RIMKLB: variants seen among roughly 807,000 people sequenced by gnomAD.
RIMKLB encodes the protein ribosomal modification protein rimK like family member B, also known as beta-citrylglutamate synthase B.
A neutral mutation model predicts 32.0 loss-of-function variants in RIMKLB; 7 were observed. The observed-to-expected ratio is 0.22, with a 90% confidence interval of 0.12 to 0.41. The LOEUF (loss-of-function observed/expected upper bound fraction) is 0.41, where lower values mean the gene tolerates loss of function less well. Among genes scored for constraint, RIMKLB ranks in the 10% least tolerant of loss-of-function variants. The probability of loss-of-function intolerance (pLI) is 1.00; values close to 1 mark genes in which losing one functional copy is unlikely to be tolerated. For missense variants in RIMKLB, 289 were observed against 498.7 expected (o/e 0.58, Z 4.00); for synonymous variants, 172 against 185.1 (o/e 0.93, Z 0.57).
At chr12:8,677,143 A>G (rs1401505583), upstream of RIMKLB, among the ~76,000 whole-genome samples, 2 of 152,150 alleles carry the variant, frequency 1.3e-5, no homozygotes, top group Non-Finnish European at 2.9e-5. Context: ...GTTTTCCACC[A>G]CCTGTAGTAC....
Position 8,775,603 on chromosome 12 carries a change from A to T in RIMKLB, c.*1819A>T, listed in dbSNP as rs1290555569. Reference sequence around the variant, plus strand: ...AGAGACTTCGAGGCAATAATAAAAGATCAGTATTAACCAGCTATAACAGAG... The same window carrying T: ...AGAGACTTCGAGGCAATAATAAAAGTTCAGTATTAACCAGCTATAACAGAG... On this transcript the variant is annotated 3_prime_UTR_variant, in exon 6 of 6. Coordinates refer to ENST00000535829, the MANE Select transcript of RIMKLB (RefSeq NM_001297776.2). 9.1e-6 allele frequency: 9 copies of T among 985,628 alleles called. No individual in the cohort carries two copies. The highest frequency in any genetic ancestry group is 1.7e-5 in the African/African-American group (1 of 57,236). The allele number at this position is 985,628 out of a possible 1,614,324, so 61.1% of individuals were successfully genotyped here.
intron 5 of RIMKLB, among the ~76,000 whole-genome samples, chr12:8,764,890 C>T (rs1949829428): frequency 6.6e-6 from 1 of 151,282 alleles, no homozygotes. Context: ...CCTTTCTGTT[C>T]CAGAGCCTCC....
intron 4 of RIMKLB, among the ~76,000 whole-genome samples, chr12:8,752,510 C>T (rs1227245372): frequency 6.6e-6 from 1 of 152,116 alleles, no homozygotes; most frequent in African/African-American, 2.4e-5. Flanking sequence ...CGAGATCACA[C>T]CACTGCACTC....
Position 8,754,094 on chromosome 12 carries a change from G to C in RIMKLB, c.697+1G>C. The C allele has an allele frequency of 6.2e-7, 1 of 1,605,496 alleles. No homozygotes were observed. The highest frequency in any genetic ancestry group is 8.5e-7 in the Non-Finnish European group (1 of 1,172,192). ...AGAATGCAAAGCAACTGCTCATTAGGTAAAAATAATGCAATTATCTTTCTA... is the reference window on the plus strand; with the variant it reads ...AGAATGCAAAGCAACTGCTCATTAGCTAAAAATAATGCAATTATCTTTCTA... On this transcript the variant is annotated splice_donor_variant, in intron 5 of 5. Transcript: ENST00000535829. LOFTEE classifies it high-confidence loss of function.
chr12:8,685,575 T>A (rs1186621330), intron 1 of RIMKLB, among the ~76,000 whole-genome samples: 1 of 152,230 alleles, frequency 6.6e-6, no homozygotes, highest in Non-Finnish European at 1.5e-5. Flanking sequence ...TGCTAATATT[T>A]TGAGGATTTT....
chr12:8,770,406 G>C (rs1950312842), intron 5 of RIMKLB, among the ~76,000 whole-genome samples: 1 of 152,074 alleles, frequency 6.6e-6, no homozygotes, highest in African/African-American at 2.4e-5. Flanking sequence ...TGTCTCTTCT[G>C]TTTCATGAAC....
At chr12:8,746,204 C>T (rs1284752641) in intron 2 of RIMKLB, among the ~76,000 whole-genome samples, 1 of 151,748 alleles carries the variant, frequency 6.6e-6, no homozygotes, top group Non-Finnish European at 1.5e-5. Context: ...TTCTCTATAT[C>T]CTTATCTCAA....
chr12:8,707,454 G>C (rs770313317), intron 1 of RIMKLB, among the ~76,000 whole-genome samples: 1 of 152,292 alleles, frequency 6.6e-6, no homozygotes, highest in African/African-American at 2.4e-5. Context: ...CCCTTCCTGG[G>C]TGCGTCACCC....
intron 1 of RIMKLB, among the ~76,000 whole-genome samples, chr12:8,708,312 G>T (rs1315186286): frequency 1.3e-5 from 2 of 151,934 alleles, no homozygotes; most frequent in Non-Finnish European, 2.9e-5. Flanking sequence ...TGCTTTTTCT[G>T]TACTAGAATA....
chr12:8,678,264 C>T (rs1185506869), upstream of RIMKLB, among the ~76,000 whole-genome samples: 1 of 151,582 alleles, frequency 6.6e-6, no homozygotes, highest in Non-Finnish European at 1.5e-5. Context: ...GATCCTCGCA[C>T]GTTGGCCTCC....
rs778576626 is a variant in RIMKLB, at chr12:8,750,006, A to G, written c.320A>G (p.Gln107Arg). Residue 107 changes from glutamine (Q) to arginine (R), a missense_variant, in exon 3 of 6, where the codon CAA becomes CGA. Gln to Arg is a conservative substitution (Grantham distance 43, BLOSUM62 1). Around this residue, in one of 3 missense-constraint regions of RIMKLB, gnomAD observed 156 missense variants for 329.5 expected, o/e 0.47. Coordinates refer to ENST00000535829, the MANE Select transcript of RIMKLB (RefSeq NM_001297776.2). ...GGATGTCGGTTAATGAACCGACCTCAAGCCATCCTGAACTGCGTTAATAAG... is the reference window on the plus strand; with the variant it reads ...GGATGTCGGTTAATGAACCGACCTCGAGCCATCCTGAACTGCGTTAATAAG... ...KMGCRLMNRP[Q>R]AILNCVNKFW... 1.2e-6 allele frequency: 2 copies of G among 1,614,140 alleles called. No individual in the cohort carries two copies. Among genetic ancestry groups the G allele is most frequent in the Non-Finnish European group, 1.7e-6 (2 of 1,179,988 alleles).
upstream of RIMKLB, chr12:8,697,647 G>A (rs867883657): frequency 7.9e-6 from 2 of 252,438 alleles, no homozygotes; most frequent in Non-Finnish European, 8.6e-6. Context: ...GGGGGCGGGT[G>A]GGGAGGCGCG....
At chr12:8,709,899 C>A (rs778326200) in intron 1 of RIMKLB, among the ~76,000 whole-genome samples, 1 of 151,536 alleles carries the variant, frequency 6.6e-6, no homozygotes, top group Admixed American at 6.5e-5. Context: ...CAGTTTCAGG[C>A]ATCCACTGGG....
intron 2 of RIMKLB, among the ~76,000 whole-genome samples, chr12:8,731,658 T>C (rs1207580261): frequency 1.3e-5 from 2 of 152,214 alleles, no homozygotes; most frequent in East Asian, 3.9e-4. Flanking sequence ...GAGAGTCAGT[T>C]ACTTTGTACT....
chr12:8,696,175 CCT>C (rs750050345), upstream of RIMKLB, among the ~76,000 whole-genome samples: 15 of 151,874 alleles, frequency 9.9e-5, no homozygotes, highest in Admixed American at 2.0e-4. Context: ...CATTTTTTTC[CCT>C]GTGTCAATTT....
rs775849283 is a variant in RIMKLB at position 8,732,756 on chromosome 12, T to TACACACACACACACACAC, written c.176-17097_176-17080dup. On this transcript the variant is annotated intron_variant, in intron 2 of 5. Coordinates refer to ENST00000535829, the MANE Select transcript of RIMKLB (RefSeq NM_001297776.2). Reference sequence around the variant, plus strand: ...CATGCAACAGAAAATTATATATATATACACACACACACACACACACACACA... The same window carrying TACACACACACACACACAC: ...CATGCAACAGAAAATTATATATATATACACACACACACACACACACACACACACACACACACACACACA... Among the ~76,000 whole-genome samples the TACACACACACACACACAC allele has an allele frequency of 6.2e-3, 929 of 149,984 alleles. 5 individuals carry two copies. The highest frequency in any genetic ancestry group is 0.022 in the African/African-American group (888 of 40,164).
At chr12:8,674,352 G>C in the RIMKLB span, among the ~76,000 whole-genome samples, 2 of 147,972 alleles carry the variant, frequency 1.4e-5, no homozygotes, top group Non-Finnish European at 3.0e-5. Flanking sequence ...CATTCTCCTG[G>C]CTCAGCCTCC....
the RIMKLB span, among the ~76,000 whole-genome samples, chr12:8,674,997 G>A: frequency 2.0e-5 from 3 of 150,912 alleles, no homozygotes; most frequent in Middle Eastern, 3.2e-3. Context: ...CCGAGTAGCC[G>A]GGATTACAGG....
rs1357507790 is a variant in RIMKLB, at chr12:8,774,636, A to C, written c.*852A>C. ...CCTGCTCTATGCCTGCATCTTTAACAATGGCCAAAGTGAAGAAAATGCTAC... is the reference window on the plus strand; with the variant it reads ...CCTGCTCTATGCCTGCATCTTTAACCATGGCCAAAGTGAAGAAAATGCTAC... On this transcript the variant is annotated 3_prime_UTR_variant, in exon 6 of 6. Coordinates refer to ENST00000535829, the MANE Select transcript of RIMKLB (RefSeq NM_001297776.2). The C allele has an allele frequency of 3.0e-6, 3 of 985,054 alleles. No homozygotes were observed. In the African/African-American group the frequency reaches 5.3e-5, roughly 17 times the overall value. 61.0% of individuals were successfully genotyped at this position (985,054 alleles called of 1,614,324 possible).
Sources: gnomAD v4.1 joint callset for allele counts (sites outside exome capture counted in the v4.1 genomes callset) on GRCh38, gnomAD v4.1.1 for gene constraint, gnomAD v4.1.1 regional missense constraint, MANE v1.5 for transcripts, NCBI Gene and HGNC (gene_info 2026-07-23, HGNC 2026-07-21) for gene names.